Variants in PSG1 observed in about 807,000 individuals in gnomAD.
PSG1 encodes pregnancy-specific beta-1-glycoprotein 1.
Under a neutral mutation model 41.4 loss-of-function variants are expected in PSG1, and 60 were observed. The observed-to-expected ratio is 1.45, with a 90% CI of 1.18 to 1.80. PSG1 has a LOEUF of 1.80. Among genes scored for constraint, PSG1 ranks in the 40% most tolerant of loss-of-function variants. The pLI is 0.00. For missense variants in PSG1, 806 were observed against 516.9 expected, an observed-to-expected ratio of 1.56 and a Z score of -5.42; for synonymous variants, 256 against 192.9, an observed-to-expected ratio of 1.33 and a Z score of -2.71.
intron 5 of PSG1, chr19:42,867,752 A>T (rs1461323271): frequency 1.2e-5 from 11 of 901,806 alleles, no homozygotes; most frequent in Middle Eastern, 3.1e-4. Flanking sequence ...TAAGCTGTAG[A>T]TAGATTAAAA....
chr19:42,866,589 T>A lies in PSG1; in HGVS notation c.*545A>T, dbSNP rs7249070. 0.018 allele frequency: 3,766 copies of A among 204,914 alleles called. 211 individuals are homozygous for A. Among genetic ancestry groups the A allele is most frequent in the African/African-American group, 0.081 (3,524 of 43,418 alleles). 12.7% of individuals were successfully genotyped at this position (204,914 alleles called of 1,614,324 possible). On this transcript the variant is annotated 3_prime_UTR_variant, in exon 6 of 6. Transcript: ENST00000436291. ...ATTTAAAGGGGACTCTATTATAATT[T>A]CAGCTTTCCTACGTCTTCATACAAA...
rs570352236 is a variant in PSG1 at position 42,877,785 on chromosome 19, C to G, written c.430+128G>C. The G allele has an allele frequency of 4.5e-6, 7 of 1,569,858 alleles. No homozygotes were observed. The African/African-American group carries it at 9.5e-5, about 21-fold the overall frequency. On this transcript the variant is annotated intron_variant, in intron 2 of 5. Transcript: ENST00000436291. ...CTCTGTGTGTGTCCTGCACTAAATG[C>G]CCAAATCCCAGCATGGGACATAACG... is the stretch of plus-strand genomic sequence containing the variant.
chr19:42,877,865 A>G (rs775384613), intron 2 of PSG1, 48 bp downstream of exon 2: 1 of 1,611,644 alleles, frequency 6.2e-7, no homozygotes, highest in East Asian at 2.2e-5. Context: ...TGTGAAGTAG[A>G]AGTGACCCCT....
chr19:42,871,348 G>A (rs542884912), intron 3 of PSG1, among the ~76,000 whole-genome samples: 9 of 151,696 alleles, frequency 5.9e-5, no homozygotes, highest in Admixed American at 3.3e-4. Flanking sequence ...AAATGGTGGG[G>A]GCATCCAGGC....
At chr19:42,879,295 G>A (rs1971765383) in intron 1 of PSG1, among the ~76,000 whole-genome samples, 1 of 151,082 alleles carries the variant, frequency 6.6e-6, no homozygotes, top group African/African-American at 2.4e-5. Flanking sequence ...TAGGATTATA[G>A]GAGCACACCA....
Position 42,878,279 on chromosome 19 carries a change from C to T in PSG1, c.65-1G>A, listed in dbSNP as rs750999911. ...AGGTTCCAGAAGTTTAAAAGTGATGCTAGGAGGTGGAGAGAACATCAGTCA... is the reference window on the plus strand; with the variant it reads ...AGGTTCCAGAAGTTTAAAAGTGATGTTAGGAGGTGGAGAGAACATCAGTCA... On this transcript the variant is annotated splice_acceptor_variant, in intron 1 of 5. Coordinates refer to ENST00000436291, the MANE Select transcript of PSG1 (RefSeq NM_001184825.2). LOFTEE classifies it high-confidence loss of function. 3.7e-6 allele frequency: 6 copies of T among 1,603,066 alleles called. No homozygotes were observed. Among genetic ancestry groups the T allele is most frequent in the Admixed American group, 3.4e-5 (2 of 59,244 alleles).
At chr19:42,874,396 C>G (rs190885489) in intron 2 of PSG1, among the ~76,000 whole-genome samples, 4 of 151,550 alleles carry the variant, frequency 2.6e-5, no homozygotes, top group Non-Finnish European at 2.9e-5. Context: ...ACCCCGGCTG[C>G]AGTGCAGTGG....
chr19:42,868,965 A>C lies in PSG1; in HGVS notation c.779T>G (p.Phe260Cys). ...NPRENKDVLN[F>C]TCEPKSENYT... ...GTTCTCACTCTTAGGTTCACAGGTG[A>C]AGTTTAAGACATCCTTATTCTCCCT... Residue 260 changes from phenylalanine (F) to cysteine (C), a missense_variant, in exon 4 of 6, where the codon TTC becomes TGC. By Grantham distance (205) the Phe-to-Cys change is radical (BLOSUM62 -2). Transcript: ENST00000436291. 1 of 1,610,536 alleles carries C rather than the reference A, an allele frequency of 6.2e-7. No homozygotes were observed. The highest frequency in any genetic ancestry group is 8.5e-7 in the Non-Finnish European group (1 of 1,179,036).
At position 42,866,595 on chromosome 19, in the gene PSG1, T is replaced by C. The variant is rs1971149150; in HGVS notation, c.*539A>G. ...AGGGGACTCTATTATAATTTCAGCT[T>C]TCCTACGTCTTCATACAAACCATCT... On this transcript the variant is annotated 3_prime_UTR_variant, in exon 6 of 6. Transcript: ENST00000436291. The C allele has an allele frequency of 4.8e-6, 1 of 208,198 alleles. No individual in the cohort carries two copies. Among genetic ancestry groups the C allele is most frequent in the South Asian group, 1.0e-4 (1 of 9,740 alleles). 12.9% of individuals were successfully genotyped at this position (208,198 alleles called of 1,614,324 possible).
intron 3 of PSG1, 173 bp from the exon 4 acceptor site, chr19:42,869,207 T>C (rs1971276154): frequency 1.7e-5 from 24 of 1,393,858 alleles, no homozygotes; most frequent in Non-Finnish European, 2.3e-5. Context: ...GCTCAAAGAC[T>C]GTGAGGCCGC....
intron 2 of PSG1, among the ~76,000 whole-genome samples, chr19:42,876,348 G>T (rs1179761820): frequency 2.0e-5 from 3 of 151,286 alleles, no homozygotes; most frequent in Admixed American, 6.6e-5. Context: ...CCCTCCGGTG[G>T]CTTAAGAGCT....
chr19:42,877,799 T>G, intron 2 of PSG1, 114 bp downstream of exon 2: 7 of 1,586,618 alleles, frequency 4.4e-6, no homozygotes, highest in Non-Finnish European at 6.1e-6. Flanking sequence ...AATCCCAGCA[T>G]GGGACATAAC....
In PSG1 at chr19:42,866,911, G is replaced by C; in HGVS notation, c.*223C>G. 1.4e-6 allele frequency: 1 copy of C among 690,530 alleles called. No individual in the cohort carries two copies. Among genetic ancestry groups the C allele is most frequent in the Non-Finnish European group, 2.6e-6 (1 of 378,058 alleles). The allele number at this position is 690,530 out of a possible 1,614,324, so 42.8% of individuals were successfully genotyped here. On this transcript the variant is annotated 3_prime_UTR_variant, in exon 6 of 6. Coordinates refer to ENST00000436291, the MANE Select transcript of PSG1 (RefSeq NM_001184825.2). ...CATCTTGGGAAAAACTGTCCACAGT[G>C]TGAAGTCATCCACTTGTTGTCCTGG...
At position 42,866,814 on chromosome 19, in the gene PSG1, G is replaced by T. The variant is rs181600893; in HGVS notation, c.*320C>A. 2.1e-4 allele frequency: 124 copies of T among 581,988 alleles called. 5 individuals are homozygous for T. In the East Asian group the frequency reaches 2.2e-3, roughly 10 times the overall value. 36.1% of individuals were successfully genotyped at this position (581,988 alleles called of 1,614,324 possible). A position where few individuals can be genotyped will look rare whatever the true frequency, so the allele number is the denominator to read the frequency against. ...TAATGACTGCATTATCCTGCCAAGTGAAAGAGGCAGGCATGAGCAAGGACA... is the reference window on the plus strand; with the variant it reads ...TAATGACTGCATTATCCTGCCAAGTTAAAGAGGCAGGCATGAGCAAGGACA... On this transcript the variant is annotated 3_prime_UTR_variant, in exon 6 of 6. Coordinates refer to ENST00000436291, the MANE Select transcript of PSG1 (RefSeq NM_001184825.2).
At position 42,871,940 on chromosome 19, in the gene PSG1, A is replaced by T. The variant is rs1971407538; in HGVS notation, c.536T>A (p.Leu179Gln). Residue 179 changes from leucine to glutamine, a missense_variant, in exon 3 of 6, where the codon CTG (leucine) becomes CAG (glutamine). Coordinates refer to ENST00000436291, the MANE Select transcript of PSG1 (RefSeq NM_001184825.2). ...CDPETPDASYLWWMNGQSLPM... is the reference protein window; with the variant it reads ...CDPETPDASYQWWMNGQSLPM... Reference sequence around the variant, plus strand: ...GAGGCTCTGACCATTCATCCACCACAGGTAGCTTGCGTCTGGAGTCTCAGG... The same window carrying T: ...GAGGCTCTGACCATTCATCCACCACTGGTAGCTTGCGTCTGGAGTCTCAGG... The T allele has an allele frequency of 6.2e-7, 1 of 1,612,484 alleles. No homozygotes were observed. Among genetic ancestry groups the T allele is most frequent in the Non-Finnish European group, 8.5e-7 (1 of 1,179,234 alleles).
chr19:42,872,037 G>A lies in PSG1; in HGVS notation c.439C>T (p.Pro147Ser). 1.2e-6 allele frequency: 2 copies of A among 1,611,570 alleles called. No individual in the cohort carries two copies. The highest frequency in any genetic ancestry group is 1.7e-6 in the Non-Finnish European group (2 of 1,178,814). Residue 147 changes from proline to serine, a missense_variant, in exon 3 of 6, where the codon CCT (proline) becomes TCT (serine). Coordinates refer to ENST00000436291, the MANE Select transcript of PSG1 (RefSeq NM_001184825.2). ...RFTFTLHLET[P>S]KPSISSSNLN... ...TTGCTGCTGGAGATGGAGGGCTTAG[G>A]AGTCTCCACTGTGCAGAAAACAGGG... is the stretch of plus-strand genomic sequence containing the variant.
chr19:42,868,539 G>A (rs938563536), intron 4 of PSG1, among the ~76,000 whole-genome samples, 184 bp from the exon 5 acceptor site: 1 of 151,268 alleles, frequency 6.6e-6, no homozygotes, highest in African/African-American at 2.4e-5. Flanking sequence ...CAAGCTGTGG[G>A]CCCCAAGTCT....
At position 42,876,649 on chromosome 19, in the gene PSG1, C is replaced by T. The variant is rs1294608847; in HGVS notation, c.430+1264G>A. On this transcript the variant is annotated intron_variant, in intron 2 of 5. Coordinates refer to ENST00000436291, the MANE Select transcript of PSG1 (RefSeq NM_001184825.2). ...CTCCTTGATCCTCTCATGACAGTGA[C>T]AAGGACACTTTGGGAAACACAGGAT... The T allele has an allele frequency of 1.3e-5, 3 of 236,732 alleles. No individual in the cohort carries two copies. In the Admixed American group the frequency reaches 1.4e-4, roughly 11 times the overall value. The allele number at this position is 236,732 out of a possible 1,614,324, so 14.7% of individuals were successfully genotyped here.
intron 2 of PSG1, 131 bp downstream of exon 2, chr19:42,877,782 A>T: frequency 6.4e-7 from 1 of 1,562,898 alleles, no homozygotes; most frequent in African/African-American, 1.4e-5. Flanking sequence ...CCTGCACTAA[A>T]TGCCCAAATC....
Sources: allele counts gnomAD v4.1 joint callset (sites outside exome capture counted in the v4.1 genomes callset), GRCh38; gene constraint gnomAD v4.1.1; transcripts MANE v1.5; gene names NCBI Gene and HGNC (gene_info 2026-07-23, HGNC 2026-07-21).